The following HS6ST3 variants were observed in gnomAD, a reference collection of about 807,000 sequenced individuals.
The protein encoded by HS6ST3 is heparan sulfate 6-O-sulfotransferase 3, also known as heparan-sulfate 6-O-sulfotransferase 3.
Under a neutral mutation model 36.7 loss-of-function variants are expected in HS6ST3, and 12 were observed. The ratio of observed to expected loss-of-function variants is 0.33; its 90% CI spans 0.21 to 0.53. The LOEUF is 0.53. Among genes scored for constraint, HS6ST3 ranks in the 20% least tolerant of loss-of-function variants. The pLI, the probability that HS6ST3 is intolerant of heterozygous loss-of-function variation, is 0.95. For missense variants in HS6ST3, 584 were observed against 640.9 expected, an observed-to-expected ratio of 0.91 and a Z score of 0.96; for synonymous variants, 240 against 257.5, an observed-to-expected ratio of 0.93 and a Z score of 0.65.
At chr13:96,596,478 A>G (rs1446676677) in intron 1 of HS6ST3, among the ~76,000 whole-genome samples, 1 of 152,152 alleles carries the variant, frequency 6.6e-6, no homozygotes. Context: ...GTAGATACCC[A>G]GTAGTGGGAT....
At chr13:96,353,341 G>A (rs2055193521) in intron 1 of HS6ST3, among the ~76,000 whole-genome samples, 1 of 152,000 alleles carries the variant, frequency 6.6e-6, no homozygotes, top group Admixed American at 6.6e-5. Context: ...ATTAATGGAA[G>A]TGAATAGGTT....
At chr13:96,801,542 A>G (rs1001841206) in intron 1 of HS6ST3, among the ~76,000 whole-genome samples, 2 of 151,936 alleles carry the variant, frequency 1.3e-5, no homozygotes, top group Non-Finnish European at 2.9e-5. Flanking sequence ...TTTAGATATT[A>G]TCACTGAGAG....
intron 1 of HS6ST3, among the ~76,000 whole-genome samples, chr13:96,131,044 T>C (rs1316635395): frequency 5.3e-5 from 8 of 152,168 alleles, no homozygotes; most frequent in African/African-American, 9.7e-5. Flanking sequence ...TGTCAGGGAC[T>C]GCGTGAGCGA....
At chr13:96,474,175 CT>C (rs1320769741) in intron 1 of HS6ST3, among the ~76,000 whole-genome samples, 2 of 151,980 alleles carry the variant, frequency 1.3e-5, no homozygotes, top group African/African-American at 4.8e-5. Flanking sequence ...AATTTTTTTC[CT>C]CTGTTGGACA....
chr13:96,689,630 G>A (rs1451090507), intron 1 of HS6ST3, among the ~76,000 whole-genome samples: 28 of 85,408 alleles, frequency 3.3e-4, no homozygotes, highest in African/African-American at 1.3e-3. Flanking sequence ...TTTGGTGATT[G>A]TATGGAGATT....
Position 96,604,482 on chromosome 13 carries a change from G to C in HS6ST3, c.708-228008G>C, listed in dbSNP as rs541987994. Among the ~76,000 whole-genome samples the C allele has an allele frequency of 1.1e-4, 16 of 152,176 alleles. 1 individual carries two copies. The South Asian group carries it at 3.3e-3, about 32-fold the overall frequency. ...GTTGATGTATATCTTTATTTTATCA[G>C]ATACATTTGTTTTGGCTTATTTTGA... On this transcript the variant is annotated intron_variant, in intron 1 of 1. Coordinates refer to ENST00000376705, the MANE Select transcript of HS6ST3 (RefSeq NM_153456.4).
intron 1 of HS6ST3, among the ~76,000 whole-genome samples, chr13:96,801,322 T>C (rs1878063870): frequency 1.3e-5 from 2 of 152,144 alleles, no homozygotes. Flanking sequence ...AGAGATCAGA[T>C]AAAAATACTC....
intron 1 of HS6ST3, among the ~76,000 whole-genome samples, chr13:96,144,889 C>T (rs1003027244): frequency 6.9e-6 from 1 of 144,738 alleles, no homozygotes; most frequent in Non-Finnish European, 1.5e-5. Context: ...TGAGTGAGAA[C>T]ATGAGGTGTT....
chr13:96,509,569 C>T (rs903636536), intron 1 of HS6ST3, among the ~76,000 whole-genome samples: 1 of 152,120 alleles, frequency 6.6e-6, no homozygotes, highest in Non-Finnish European at 1.5e-5. Context: ...ATGTTGCTTC[C>T]AATTATCCCA....
intron 1 of HS6ST3, among the ~76,000 whole-genome samples, chr13:96,113,516 GA>G (rs1400615332): frequency 6.6e-6 from 1 of 152,084 alleles, no homozygotes; most frequent in African/African-American, 2.4e-5. Context: ...TAAATAACTA[GA>G]AAAATATTAA....
intron 1 of HS6ST3, among the ~76,000 whole-genome samples, chr13:96,611,327 T>C (rs2056456681): frequency 6.6e-6 from 1 of 151,994 alleles, no homozygotes; most frequent in Non-Finnish European, 1.5e-5. Context: ...ATAAATATGA[T>C]TATAAAATTA....
chr13:96,393,649 G>A (rs1457271443), intron 1 of HS6ST3, among the ~76,000 whole-genome samples: 2 of 152,136 alleles, frequency 1.3e-5, no homozygotes, highest in Admixed American at 6.6e-5. Flanking sequence ...AAACTTTGCG[G>A]CATTGCTTTT....
intron 1 of HS6ST3, among the ~76,000 whole-genome samples, chr13:96,526,131 T>C (rs1566387169): frequency 6.6e-6 from 1 of 152,150 alleles, no homozygotes; most frequent in Non-Finnish European, 1.5e-5. Context: ...GGATTTCTAA[T>C]TTTGGGAACT....
chr13:96,553,624 G>A lies in HS6ST3; in HGVS notation c.708-278866G>A, dbSNP rs529363907. Among the ~76,000 whole-genome samples the A allele has an allele frequency of 4.6e-5, 7 of 152,342 alleles. No homozygotes were observed. In the South Asian group the frequency reaches 1.0e-3, roughly 23 times the overall value. ...CTTGGCGTTTAGGACAAGGAGACAA[G>A]GTTGGAACTGAAATGTAGCCCTGCA... On this transcript the variant is annotated intron_variant, in intron 1 of 1. Transcript: ENST00000376705.
At chr13:96,329,651 A>G (rs1241081924) in intron 1 of HS6ST3, among the ~76,000 whole-genome samples, 1 of 115,492 alleles carries the variant, frequency 8.7e-6, no homozygotes, top group Non-Finnish European at 1.8e-5. Context: ...AAAAAAATGT[A>G]TATTCTGTTG....
chr13:96,305,171 T>C (rs1354971423), intron 1 of HS6ST3, among the ~76,000 whole-genome samples: 1 of 152,134 alleles, frequency 6.6e-6, no homozygotes, highest in African/African-American at 2.4e-5. Flanking sequence ...CCTAATGGAT[T>C]TTTTTTGGAA....
intron 1 of HS6ST3, among the ~76,000 whole-genome samples, chr13:96,162,433 AT>A (rs2054139983): frequency 6.6e-6 from 1 of 152,212 alleles, no homozygotes; most frequent in Admixed American, 6.5e-5. Context: ...GAAGAAAAAA[AT>A]TTGTGGGCAA....
At chr13:96,096,679 T>C (rs1312512678) in intron 1 of HS6ST3, among the ~76,000 whole-genome samples, 1 of 152,152 alleles carries the variant, frequency 6.6e-6, no homozygotes, top group Non-Finnish European at 1.5e-5. Flanking sequence ...TTCTTAATAA[T>C]AAGTATAAAA....
intron 1 of HS6ST3, among the ~76,000 whole-genome samples, chr13:96,227,138 C>A (rs972809712): frequency 6.6e-6 from 1 of 152,102 alleles, no homozygotes; most frequent in African/African-American, 2.4e-5. Flanking sequence ...ACGTTCCATA[C>A]AAAAGTACAA....
Sources: gnomAD v4.1 joint callset for allele counts (sites outside exome capture counted in the v4.1 genomes callset) on GRCh38, gnomAD v4.1.1 for gene constraint, MANE v1.5 for transcripts, NCBI Gene and HGNC (gene_info 2026-07-23, HGNC 2026-07-21) for gene names.